The following HERC3 variants were observed in gnomAD, a reference collection of about 807,000 sequenced individuals.
The protein encoded by HERC3 is HECT and RLD domain containing E3 ubiquitin protein ligase 3, also known as probable E3 ubiquitin-protein ligase HERC3.
HERC3 carries 58 observed loss-of-function variants against 129.9 expected under a neutral mutation model. The observed-to-expected ratio is 0.45, with a 90% CI of 0.36 to 0.56. HERC3 has a LOEUF of 0.56. Ranked by LOEUF, HERC3 falls within the 20% of genes least tolerant of loss-of-function variation. The pLI, the probability that HERC3 is intolerant of heterozygous loss-of-function variation, is 0.00. For missense variants in HERC3, 835 were observed against 1,244.2 expected (o/e 0.67, Z 4.95); for synonymous variants, 430 against 451.0 (o/e 0.95, Z 0.59).
the HERC3 span, among the ~76,000 whole-genome samples, chr4:88,549,349 G>A: frequency 2.7e-5 from 4 of 150,598 alleles, no homozygotes; most frequent in South Asian, 2.1e-4. Context: ...TTAGATTCAC[G>A]GAGTATATAT....
At chr4:88,649,351 A>G (rs977827572) in intron 3 of HERC3, among the ~76,000 whole-genome samples, 2 of 152,180 alleles carry the variant, frequency 1.3e-5, no homozygotes, top group African/African-American at 4.8e-5. Context: ...CTGGCTGGAT[A>G]CAGACAAGAC....
At chr4:88,591,532 C>A (rs1459248668), upstream of HERC3, among the ~76,000 whole-genome samples, 1 of 152,174 alleles carries the variant, frequency 6.6e-6, no homozygotes, top group Non-Finnish European at 1.5e-5. Flanking sequence ...AATTCTTCCA[C>A]TGGGAGAGTT....
intron 2 of HERC3, among the ~76,000 whole-genome samples, chr4:88,602,212 C>T (rs1270581113): frequency 1.3e-5 from 2 of 151,704 alleles, no homozygotes; most frequent in East Asian, 3.9e-4. Context: ...ACCAGCCTGC[C>T]CAACATGGCG....
At chr4:88,567,090 C>A in the HERC3 span, among the ~76,000 whole-genome samples, 2 of 152,152 alleles carry the variant, frequency 1.3e-5, no homozygotes, top group African/African-American at 4.8e-5. Context: ...TACCTGGCTT[C>A]TCAGTACTTT....
chr4:88,585,234 C>G, the HERC3 span, among the ~76,000 whole-genome samples: 1 of 152,204 alleles, frequency 6.6e-6, no homozygotes, highest in Non-Finnish European at 1.5e-5. Flanking sequence ...ATACCATCAC[C>G]CTGGGGGTTA....
At chr4:88,681,012 A>G in intron 20 of HERC3, 147 bp from the exon 21 acceptor site, 2 of 1,425,554 alleles carry the variant, frequency 1.4e-6, no homozygotes, top group Non-Finnish European at 1.8e-6. Context: ...AACTTTTGTC[A>G]GGGTGTTTCT....
At chr4:88,610,352 C>G (rs951482963) in intron 3 of HERC3, among the ~76,000 whole-genome samples, 1 of 150,176 alleles carries the variant, frequency 6.7e-6, no homozygotes, top group African/African-American at 2.5e-5. Context: ...ACTCAGGAGG[C>G]TAAGGGAGGA....
chr4:88,686,943 TGAGTGTTATAGGGGTTCA>T, intron 22 of HERC3, 141 bp downstream of exon 22: 1 of 710,346 alleles, frequency 1.4e-6, no homozygotes, highest in South Asian at 1.8e-5. Flanking sequence ...CATAGTGTCT[TGAGTGTTATAGGGGTTCA>T]GTGGGCGTGT....
At chr4:88,580,890 G>A in the HERC3 span, among the ~76,000 whole-genome samples, 3 of 152,154 alleles carry the variant, frequency 2.0e-5, no homozygotes, top group Non-Finnish European at 2.9e-5. Context: ...TATTAGGTCC[G>A]TCCCTAAACG....
At chr4:88,676,299 T>G (rs756334947) in intron 17 of HERC3, 35 bp from the exon 18 acceptor site, 4 of 1,555,554 alleles carry the variant, frequency 2.6e-6, no homozygotes, top group Non-Finnish European at 3.5e-6. Context: ...TTCTGTGGAA[T>G]AGTATAATAC....
intron 3 of HERC3, among the ~76,000 whole-genome samples, chr4:88,627,561 C>T (rs1208740725): frequency 6.6e-6 from 1 of 152,014 alleles, no homozygotes; most frequent in South Asian, 2.1e-4. Context: ...ACCAATCCCC[C>T]ACAAATACTG....
chr4:88,605,215 G>A (rs1399903976), intron 2 of HERC3, among the ~76,000 whole-genome samples: 1 of 152,156 alleles, frequency 6.6e-6, no homozygotes, highest in African/African-American at 2.4e-5. Context: ...TCTCAAGTAG[G>A]AAGTGAGGCT....
chr4:88,613,519 T>C (rs891556831), intron 3 of HERC3, among the ~76,000 whole-genome samples: 6 of 152,186 alleles, frequency 3.9e-5, no homozygotes, highest in African/African-American at 1.4e-4. Flanking sequence ...CTAACCATGG[T>C]AGAAGTAATG....
In HERC3 at chr4:88,670,214, G is replaced by C; in HGVS notation, c.1873G>C (p.Glu625Gln). The change falls in exon 16 of 26, where the codon GAA (glutamate) becomes CAA (glutamine). Residue 625 changes from glutamate to glutamine, a missense_variant. By Grantham distance (29) the Glu-to-Gln change is conservative (BLOSUM62 2). Transcript: ENST00000402738. ...GATTTCCAATCTCGTGGACATTCAG[G>C]AAGACTACCTCATGTGGTTCTTGCA... is the stretch of plus-strand genomic sequence containing the variant. ...PEISNLVDIQ[E>Q]DYLMWFLHQA... 1 of 1,612,898 alleles carries C rather than the reference G, an allele frequency of 6.2e-7. No individual in the cohort carries two copies. Among genetic ancestry groups the C allele is most frequent in the Non-Finnish European group, 8.5e-7 (1 of 1,179,004 alleles).
chr4:88,680,429 T>G (rs1732643521), intron 20 of HERC3, among the ~76,000 whole-genome samples, 193 bp downstream of exon 20: 1 of 152,242 alleles, frequency 6.6e-6, no homozygotes. Flanking sequence ...GTGCATTTTG[T>G]GAGCCTTCAG....
intron 16 of HERC3, among the ~76,000 whole-genome samples, 184 bp downstream of exon 16, chr4:88,670,436 T>C (rs921715608): frequency 6.6e-6 from 1 of 152,198 alleles, no homozygotes; most frequent in African/African-American, 2.4e-5. Context: ...GAGTCATAAA[T>C]GAGTAGTCAC....
At chr4:88,655,832 A>G (rs1163642861) in intron 8 of HERC3, 43 bp from the exon 9 acceptor site, 1 of 1,578,534 alleles carries the variant, frequency 6.3e-7, no homozygotes, top group South Asian at 1.2e-5. Flanking sequence ...GTACATCCAC[A>G]TTAGTAGAAA....
the HERC3 span, among the ~76,000 whole-genome samples, chr4:88,535,028 T>C: frequency 6.6e-6 from 1 of 152,240 alleles, no homozygotes; most frequent in Non-Finnish European, 1.5e-5. Flanking sequence ...TAACTTGATT[T>C]GACTCTCCAG....
rs578075491 is a variant in HERC3 at position 88,596,016 on chromosome 4, A to G, written c.-30+402A>G. On this transcript the variant is annotated intron_variant, in intron 2 of 25. Coordinates refer to ENST00000402738, the MANE Select transcript of HERC3 (RefSeq NM_014606.3). ...AGGTGCCCACCACCTCGCCCAGCTA[A>G]TTTTTTGTATTTTTAGTAGAGACGG... Among the ~76,000 whole-genome samples the G allele has an allele frequency of 1.3e-3, 200 of 151,664 alleles. 1 individual carries two copies. The highest frequency in any genetic ancestry group is 4.4e-3 in the African/African-American group (184 of 41,350).
Sources: gnomAD v4.1 joint callset for allele counts (sites outside exome capture counted in the v4.1 genomes callset) on GRCh38, gnomAD v4.1.1 for gene constraint, MANE v1.5 for transcripts, NCBI Gene and HGNC (gene_info 2026-07-23, HGNC 2026-07-21) for gene names.